Variants in B3GALNT2 observed in about 807,000 individuals in gnomAD.
The protein encoded by B3GALNT2 is UDP-GalNAc:beta-1,3-N-acetylgalactosaminyltransferase 2.
A neutral mutation model predicts 61.1 loss-of-function variants in B3GALNT2; 53 were observed. The observed-to-expected ratio is 0.87, with a 90% CI of 0.70 to 1.09. B3GALNT2 has a LOEUF of 1.09. Among genes scored for constraint, B3GALNT2 ranks in the 50% least tolerant of loss-of-function variants. The pLI is 0.00. For synonymous variants in B3GALNT2, 223 were observed against 237.4 expected, an observed-to-expected ratio of 0.94 and a Z score of 0.56; for missense variants, 544 against 623.0, an observed-to-expected ratio of 0.87 and a Z score of 1.35.
chr1:235,475,479 C>CGAT (rs1323053590), intron 5 of B3GALNT2, among the ~76,000 whole-genome samples: 1 of 152,012 alleles, frequency 6.6e-6, no homozygotes, highest in Non-Finnish European at 1.5e-5. Flanking sequence ...GGAGGGAATA[C>CGAT]GATGATGAAC....
intron 3 of B3GALNT2, among the ~76,000 whole-genome samples, chr1:235,484,976 G>A (rs980413676): frequency 8.5e-5 from 13 of 152,124 alleles, no homozygotes; most frequent in Admixed American, 5.9e-4. Context: ...GATACATCAG[G>A]CAATTATTAC....
intron 2 of B3GALNT2, among the ~76,000 whole-genome samples, chr1:235,490,538 AGTAACTCTAG>A (rs1685014308): frequency 6.6e-6 from 1 of 152,086 alleles, no homozygotes. Context: ...GACCTGAATT[AGTAACTCTAG>A]TTTAGACCCA....
At chr1:235,443,955 TCTC>T (rs964885085), downstream of B3GALNT2, among the ~76,000 whole-genome samples, 13 of 152,208 alleles carry the variant, frequency 8.5e-5, no homozygotes, top group African/African-American at 2.9e-4. Flanking sequence ...TACTGTGAAT[TCTC>T]AAGATTAAAC....
intron 2 of B3GALNT2, among the ~76,000 whole-genome samples, chr1:235,490,099 G>T (rs1053214669): frequency 1.4e-4 from 21 of 152,086 alleles, no homozygotes; most frequent in African/African-American, 5.1e-4. Context: ...ACTGAGAGTG[G>T]TATTAGTCTA....
chr1:235,470,730 G>A, intron 6 of B3GALNT2, 120 bp downstream of exon 6: 1 of 1,415,238 alleles, frequency 7.1e-7, no homozygotes, highest in Non-Finnish European at 9.3e-7. Flanking sequence ...TATATATGTT[G>A]TAAAACACAC....
chr1:235,442,727 A>AT, downstream of B3GALNT2: 1 of 850,776 alleles, frequency 1.2e-6, no homozygotes, highest in East Asian at 2.7e-5. Flanking sequence ...AATTTTAAAC[A>AT]TTGATTAGAC....
chr1:235,453,555 CAT>C (rs926676480), intron 10 of B3GALNT2, among the ~76,000 whole-genome samples: 2 of 152,000 alleles, frequency 1.3e-5, no homozygotes, highest in African/African-American at 4.8e-5. Flanking sequence ...TCCGGGTTCA[CAT>C]GATTCTCCTC....
intron 8 of B3GALNT2, among the ~76,000 whole-genome samples, chr1:235,457,026 G>C (rs1186313727): frequency 1.3e-5 from 2 of 152,104 alleles, no homozygotes; most frequent in African/African-American, 4.8e-5. Context: ...TGCCCCAGCA[G>C]GCCAGGTGTG....
intron 5 of B3GALNT2, among the ~76,000 whole-genome samples, chr1:235,475,490 T>C (rs1220529190): frequency 6.6e-6 from 1 of 152,078 alleles, no homozygotes; most frequent in Non-Finnish European, 1.5e-5. Context: ...GATGATGAAC[T>C]TCCTCTCGCA....
intron 2 of B3GALNT2, among the ~76,000 whole-genome samples, chr1:235,493,431 T>C (rs1449998889): frequency 6.6e-6 from 1 of 152,150 alleles, no homozygotes; most frequent in Non-Finnish European, 1.5e-5. Flanking sequence ...TAAAGAAACC[T>C]GTCTTGAAAA....
chr1:235,456,293 T>TC (rs1683168934), intron 8 of B3GALNT2, among the ~76,000 whole-genome samples: 1 of 152,184 alleles, frequency 6.6e-6, no homozygotes, highest in African/African-American at 2.4e-5. Context: ...AAATATATAA[T>TC]CATGACTAAA....
intron 4 of B3GALNT2, among the ~76,000 whole-genome samples, chr1:235,482,908 T>TA (rs1302799408): frequency 1.3e-5 from 2 of 152,208 alleles, no homozygotes; most frequent in African/African-American, 4.8e-5. Flanking sequence ...ACCCATATTT[T>TA]AGAGGAAAGA....
At chr1:235,487,450 T>C (rs939487356) in intron 3 of B3GALNT2, among the ~76,000 whole-genome samples, 2 of 152,200 alleles carry the variant, frequency 1.3e-5, no homozygotes, top group African/African-American at 4.8e-5. Flanking sequence ...TTCATCCTTA[T>C]GTCAATCCCC....
chr1:235,501,137 A>T (rs969066085), intron 1 of B3GALNT2, among the ~76,000 whole-genome samples: 5 of 152,194 alleles, frequency 3.3e-5, no homozygotes, highest in African/African-American at 1.2e-4. Context: ...TTCTAAATTA[A>T]CCGTTAAATA....
At chr1:235,466,537 T>A (rs987197241) in intron 6 of B3GALNT2, among the ~76,000 whole-genome samples, 1 of 152,082 alleles carries the variant, frequency 6.6e-6, no homozygotes, top group Non-Finnish European at 1.5e-5. Flanking sequence ...AAATTTTTTG[T>A]AGAGAAGAGG....
At chr1:235,446,087 A>G (rs889662118), downstream of B3GALNT2, among the ~76,000 whole-genome samples, 2 of 152,244 alleles carry the variant, frequency 1.3e-5, no homozygotes, top group African/African-American at 4.8e-5. Flanking sequence ...GTGTATGGCT[A>G]GAGGACATGG....
intron 3 of B3GALNT2, among the ~76,000 whole-genome samples, chr1:235,487,858 A>G (rs1684875206): frequency 6.6e-6 from 1 of 152,120 alleles, no homozygotes; most frequent in Non-Finnish European, 1.5e-5. Flanking sequence ...AGCAGATCAT[A>G]GCTTACTGCA....
downstream of B3GALNT2, among the ~76,000 whole-genome samples, chr1:235,446,716 C>T (rs111835209): frequency 0.02 from 2,798 of 142,578 alleles, 34 homozygotes; most frequent in Middle Eastern, 0.043. Flanking sequence ...TTTTTTGAGA[C>T]AGGTTCTCAC....
chr1:235,444,249 G>A (rs1179664737), downstream of B3GALNT2, among the ~76,000 whole-genome samples: 1 of 152,128 alleles, frequency 6.6e-6, no homozygotes, highest in East Asian at 1.9e-4. Context: ...TCACAATCCA[G>A]TTTCTACTCC....
Sources: allele counts gnomAD v4.1 joint callset (sites outside exome capture counted in the v4.1 genomes callset), GRCh38; gene constraint gnomAD v4.1.1; transcripts MANE v1.5; gene names NCBI Gene and HGNC (gene_info 2026-07-23, HGNC 2026-07-21).